Variants in ARID5B observed in about 807,000 individuals in gnomAD.
ARID5B encodes the protein AT-rich interaction domain 5B, also known as AT-rich interactive domain-containing protein 5B.
Under a neutral mutation model 97.2 loss-of-function variants are expected in ARID5B, and 13 were observed. The ratio of observed to expected loss-of-function variants is 0.13; its 90% confidence interval spans 0.09 to 0.21. ARID5B has a LOEUF of 0.21. Ranked by LOEUF, ARID5B falls within the 10% of genes least tolerant of loss-of-function variation. The probability of loss-of-function intolerance (pLI) is 1.00; values close to 1 mark genes in which losing one functional copy is unlikely to be tolerated. For missense variants in ARID5B, 1,210 were observed against 1,465.3 expected, an observed-to-expected ratio of 0.83 and a Z score of 2.84; for synonymous variants, 556 against 570.3, an observed-to-expected ratio of 0.97 and a Z score of 0.36.
chr10:62,078,659 C>A (rs972733708), intron 8 of ARID5B, among the ~76,000 whole-genome samples: 2 of 152,118 alleles, frequency 1.3e-5, no homozygotes, highest in African/African-American at 4.8e-5. Flanking sequence ...GCATTTTAAT[C>A]CCTGGGACAT....
intron 7 of ARID5B, among the ~76,000 whole-genome samples, chr10:62,064,437 T>G (rs1306350886): frequency 6.6e-6 from 1 of 152,190 alleles, no homozygotes; most frequent in Admixed American, 6.5e-5. Flanking sequence ...TACACATTCT[T>G]AAGCCACTGA....
chr10:61,972,961 T>C (rs530222031), intron 3 of ARID5B, among the ~76,000 whole-genome samples: 2 of 152,364 alleles, frequency 1.3e-5, no homozygotes, highest in Admixed American at 6.5e-5. Context: ...CAAACTTAGA[T>C]ATAGCCAATC....
At chr10:61,978,620 C>T (rs1421778452) in intron 3 of ARID5B, among the ~76,000 whole-genome samples, 1 of 152,166 alleles carries the variant, frequency 6.6e-6, no homozygotes. Context: ...CTCTTTGAAG[C>T]AATTGTGAAT....
intron 3 of ARID5B, among the ~76,000 whole-genome samples, chr10:61,977,729 G>T (rs966852994): frequency 6.6e-6 from 1 of 152,066 alleles, no homozygotes; most frequent in Non-Finnish European, 1.5e-5. Context: ...TTGTAAATTT[G>T]TTTGAGTTCT....
chr10:61,926,870 C>T (rs147013950), intron 2 of ARID5B, among the ~76,000 whole-genome samples: 3,035 of 152,140 alleles, frequency 0.02, 113 homozygotes, highest in African/African-American at 0.07. Context: ...GTGATCTGCC[C>T]GCCTCGGCCT....
At chr10:62,087,895 CT>C in intron 9 of ARID5B, among the ~76,000 whole-genome samples, 1 of 149,492 alleles carries the variant, frequency 6.7e-6, no homozygotes. Flanking sequence ...GACAGAGTCT[CT>C]CTCTGTCTCC....
intron 4 of ARID5B, chr10:62,049,456 T>TC (rs1274771674): frequency 6.4e-7 from 1 of 1,550,524 alleles, no homozygotes; most frequent in Admixed American, 2.0e-5. Flanking sequence ...CAGGCATCAG[T>TC]CAGGCAGATG....
At position 62,084,928 on chromosome 10, in the gene ARID5B, C is replaced by T. The variant is rs190080644; in HGVS notation, c.1200-774C>T. 2.9e-3 allele frequency among the ~76,000 whole-genome samples: 437 copies of T among 152,280 alleles called. 3 individuals carry two copies. The highest frequency in any genetic ancestry group is 9.6e-3 in the African/African-American group (397 of 41,548). On this transcript the variant is annotated intron_variant, in intron 8 of 9. Transcript: ENST00000279873. ...CTAAAACAGAACTCCTAGTGGAGTC[C>T]CCTACCCCACTCAGAGCTGTGGGAT...
At chr10:62,065,287 T>G (rs1018428073) in intron 7 of ARID5B, among the ~76,000 whole-genome samples, 1 of 152,216 alleles carries the variant, frequency 6.6e-6, no homozygotes, top group African/African-American at 2.4e-5. Flanking sequence ...TCTTGCGTTA[T>G]GGTTAATTGT....
intron 3 of ARID5B, among the ~76,000 whole-genome samples, chr10:61,991,360 T>G (rs1331935760): frequency 6.6e-6 from 1 of 152,174 alleles, no homozygotes; most frequent in Non-Finnish European, 1.5e-5. Context: ...ACACTTGGGA[T>G]TTTTTTCTTT....
chr10:61,902,225 G>T lies in ARID5B; in HGVS notation c.88G>T (p.Glu30Ter). 1 of 1,613,868 alleles carries T rather than the reference G, an allele frequency of 6.2e-7. No individual in the cohort carries two copies. Among genetic ancestry groups the T allele is most frequent in the Non-Finnish European group, 8.5e-7 (1 of 1,180,000 alleles). The change falls in exon 2 of 10, where the codon GAA becomes TAA. Residue 30 changes from glutamate (E) to a stop codon, truncating the protein, a stop_gained. Coordinates refer to ENST00000279873, the MANE Select transcript of ARID5B (RefSeq NM_032199.3). LOFTEE classifies it high-confidence loss of function. ...IFYKAFQFHLEGKPRILSLGD... is the reference protein window; with the variant it reads ...IFYKAFQFHL ...CTACAAGGCTTTTCAATTCCACCTT[G>T]AAGGCAAACCAAGAATTTTGTCCCT...
intron 3 of ARID5B, among the ~76,000 whole-genome samples, chr10:61,966,187 T>C (rs1310258673): frequency 6.6e-6 from 1 of 152,216 alleles, no homozygotes; most frequent in Admixed American, 6.6e-5. Flanking sequence ...CAATGCGTCA[T>C]TGATTTCACA....
intron 4 of ARID5B, among the ~76,000 whole-genome samples, chr10:62,011,667 T>C (rs1839218837): frequency 6.6e-6 from 1 of 152,182 alleles, no homozygotes; most frequent in Admixed American, 6.5e-5. Flanking sequence ...CCTCATACTT[T>C]TCAGAGCACC....
chr10:61,946,296 G>A (rs141946738), intron 3 of ARID5B, among the ~76,000 whole-genome samples: 248 of 152,116 alleles, frequency 1.6e-3, no homozygotes, highest in Non-Finnish European at 2.6e-3. Context: ...GTGGACATGG[G>A]AAGGATTCTC....
rs1465109587 is a variant in ARID5B, at chr10:62,095,665, C to A, written c.*2635C>A. 5 of 233,158 alleles carry A rather than the reference C, an allele frequency of 2.1e-5. No homozygotes were observed. In the East Asian group the frequency reaches 3.0e-4, roughly 14 times the overall value. 14.4% of individuals were successfully genotyped at this position (233,158 alleles called of 1,614,324 possible). Reference sequence around the variant, plus strand: ...AAGCAGTGTGTTATTTGTTTTAAAACTCTGAACAGAGATCTTGGAAATCTT... The same window carrying A: ...AAGCAGTGTGTTATTTGTTTTAAAAATCTGAACAGAGATCTTGGAAATCTT... On this transcript the variant is annotated 3_prime_UTR_variant, in exon 10 of 10. Coordinates refer to ENST00000279873, the MANE Select transcript of ARID5B (RefSeq NM_032199.3).
intron 4 of ARID5B, among the ~76,000 whole-genome samples, chr10:62,036,882 C>T (rs967059906): frequency 8.5e-5 from 13 of 152,256 alleles, no homozygotes; most frequent in East Asian, 5.8e-4. Flanking sequence ...AGCTGGTGCC[C>T]GAGGTTTTCC....
intron 3 of ARID5B, among the ~76,000 whole-genome samples, chr10:61,962,826 G>A (rs1315869782): frequency 1.3e-5 from 2 of 152,164 alleles, no homozygotes; most frequent in Non-Finnish European, 2.9e-5. Flanking sequence ...TCACCAAAAA[G>A]CATTTATGGT....
intron 8 of ARID5B, 99 bp downstream of exon 8, chr10:62,069,896 G>A (rs1299913418): frequency 1.6e-6 from 2 of 1,225,500 alleles, no homozygotes; most frequent in Admixed American, 5.1e-5. Flanking sequence ...TGACCTTTTG[G>A]GAAACTGAAA....
intron 3 of ARID5B, among the ~76,000 whole-genome samples, chr10:61,988,426 G>A (rs886623226): frequency 6.6e-6 from 1 of 152,214 alleles, no homozygotes; most frequent in East Asian, 1.9e-4. Flanking sequence ...GGTCTTAACA[G>A]TTGAAGCTTT....
Sources: allele counts gnomAD v4.1 joint callset (sites outside exome capture counted in the v4.1 genomes callset), GRCh38; gene constraint gnomAD v4.1.1; transcripts MANE v1.5; gene names NCBI Gene and HGNC (gene_info 2026-07-23, HGNC 2026-07-21).